The following WWC1 variants were observed in gnomAD, a reference collection of about 807,000 sequenced individuals.
WWC1 encodes the protein WW and C2 domain containing 1, also known as protein KIBRA.
In WWC1, 55 loss-of-function variants were observed where a neutral mutation model predicts 138.4. The ratio of observed to expected loss-of-function variants is 0.40; its 90% CI spans 0.32 to 0.50. WWC1 has a LOEUF of 0.50. WWC1 is among the 20% of genes least tolerant of loss of function. WWC1 has a pLI of 0.72. For missense variants in WWC1, 1,226 were observed against 1,420.4 expected (o/e 0.86, Z 2.20); for synonymous variants, 524 against 564.9 (o/e 0.93, Z 1.03).
At position 168,423,955 on chromosome 5, in the gene WWC1, A is replaced by T; in HGVS notation, c.1697A>T (p.Glu566Val). 6.2e-7 allele frequency: 1 copy of T among 1,613,154 alleles called. No individual in the cohort carries two copies. The highest frequency in any genetic ancestry group is 8.5e-7 in the Non-Finnish European group (1 of 1,179,862). ...GGTGATGCCTTCCTCAACTCCTTGGAGTTTGAAGACCCGGAGCTGAGTGCC... is the reference window on the plus strand; with the variant it reads ...GGTGATGCCTTCCTCAACTCCTTGGTGTTTGAAGACCCGGAGCTGAGTGCC... ...LAGDAFLNSLEFEDPELSATL... is the reference protein window; with the variant it reads ...LAGDAFLNSLVFEDPELSATL... Residue 566 changes from glutamate to valine, a missense_variant, in exon 11 of 23, where the codon GAG becomes GTG. Physicochemically the swap from Glu to Val is moderately radical, Grantham distance 121. Around this residue, in one of 3 missense-constraint regions of WWC1, gnomAD observed 1,016 missense variants for 1,153.9 expected, o/e 0.88. Coordinates refer to ENST00000265293, the MANE Select transcript of WWC1 (RefSeq NM_015238.3).
Position 168,371,420 on chromosome 5 carries a change from C to A in WWC1, c.120-4C>A, listed in dbSNP as rs200346315. On this transcript the variant is annotated splice_polypyrimidine_tract_variant and splice_region_variant and intron_variant, in intron 1 of 22. Transcript: ENST00000265293. ...TGGAGTCTGTTTCTCCTCTCCCTTGCCAGGTACACCAAACCGCTCACCTTT... is the reference window on the plus strand; with the variant it reads ...TGGAGTCTGTTTCTCCTCTCCCTTGACAGGTACACCAAACCGCTCACCTTT... 5.8e-5 allele frequency: 93 copies of A among 1,612,032 alleles called. No individual in the cohort carries two copies. The Middle Eastern group carries it at 1.8e-3, about 31-fold the overall frequency.
chr5:168,412,487 G>A (rs974459406), intron 8 of WWC1, among the ~76,000 whole-genome samples: 4 of 152,144 alleles, frequency 2.6e-5, no homozygotes, highest in Non-Finnish European at 5.9e-5. Context: ...AGTATATCCA[G>A]TAAAGCATCA....
chr5:168,427,515 T>G (rs1276502051), intron 11 of WWC1, among the ~76,000 whole-genome samples: 1 of 149,766 alleles, frequency 6.7e-6, no homozygotes, highest in Non-Finnish European at 1.5e-5. Context: ...CACATGTGAC[T>G]CCTTCCATCA....
At chr5:168,461,050 C>T (rs530377713) in intron 20 of WWC1, among the ~76,000 whole-genome samples, 11 of 152,138 alleles carry the variant, frequency 7.2e-5, no homozygotes, top group African/African-American at 1.9e-4. Flanking sequence ...CCAACCCAGC[C>T]GGGCCCCGTG....
At chr5:168,396,010 C>T (rs1778871359) in intron 3 of WWC1, among the ~76,000 whole-genome samples, 1 of 152,210 alleles carries the variant, frequency 6.6e-6, no homozygotes, top group African/African-American at 2.4e-5. Context: ...CAATTGCCAG[C>T]AATCACCAAA....
intron 8 of WWC1, chr5:168,412,102 C>T (rs1780272727): frequency 1.0e-6 from 1 of 985,436 alleles, no homozygotes; most frequent in Non-Finnish European, 1.2e-6. Flanking sequence ...GGATCTGTTC[C>T]ATCCTGCAGG....
chr5:168,419,334 T>C (rs1448712812), intron 9 of WWC1, among the ~76,000 whole-genome samples: 1 of 142,458 alleles, frequency 7.0e-6, no homozygotes, highest in Admixed American at 7.2e-5. Flanking sequence ...TGCAGGTCTT[T>C]CAGCAGAGCT....
chr5:168,442,838 GAAAAAAA>G (rs201792324), intron 16 of WWC1, among the ~76,000 whole-genome samples: 14 of 82,012 alleles, frequency 1.7e-4, no homozygotes, highest in African/African-American at 6.8e-4. Flanking sequence ...CTCCATCTCA[GAAAAAAA>G]AAAAAAAGAA....
intron 2 of WWC1, among the ~76,000 whole-genome samples, chr5:168,372,031 GAGAGAGAGAGAA>G (rs1432148385): frequency 1.5e-5 from 1 of 68,358 alleles, no homozygotes; most frequent in African/African-American, 4.6e-5. Flanking sequence ...GCGAGAGAGA[GAGAGAGAGAGAA>G]AGAGTGTGTT....
intron 1 of WWC1, among the ~76,000 whole-genome samples, chr5:168,354,019 G>A (rs1389142029): frequency 6.6e-6 from 1 of 151,846 alleles, no homozygotes; most frequent in Non-Finnish European, 1.5e-5. Flanking sequence ...AATAAGCTTA[G>A]GCTCTTCCAA....
intron 15 of WWC1, among the ~76,000 whole-genome samples, chr5:168,439,800 T>C (rs1199392063): frequency 6.6e-6 from 1 of 152,212 alleles, no homozygotes; most frequent in Non-Finnish European, 1.5e-5. Context: ...TTTTGCTAGA[T>C]ATGACTAAAT....
At position 168,414,607 on chromosome 5, in the gene WWC1, A is replaced by C. The variant is rs551916403; in HGVS notation, c.1184+17A>C. 175 of 1,545,082 alleles carry C rather than the reference A, an allele frequency of 1.1e-4. No individual in the cohort carries two copies. The African/African-American group carries it at 2.0e-3, about 17-fold the overall frequency. ...GACGGAGAGGTGGGGCTGGGGCCCC[A>C]GGGTGTGTAGGACCCTTCTCTCACT... On this transcript the variant is annotated intron_variant, in intron 9 of 22. Transcript: ENST00000265293.
intron 1 of WWC1, among the ~76,000 whole-genome samples, chr5:168,366,226 G>T (rs1240634691): frequency 6.6e-6 from 1 of 152,192 alleles, no homozygotes; most frequent in Non-Finnish European, 1.5e-5. Flanking sequence ...TCTTTGTGCA[G>T]CCAAAAACAC....
chr5:168,423,629 C>T lies in WWC1; in HGVS notation c.1371C>T (p.Ser457=). The stretch of plus-strand genomic sequence containing the variant: ...TGGTTGCATCCAGCCTGGACTCCTC[C>T]ACTTCAGCCAGCTTCACTGACCTCT... ...GSLVASSLDS[S]TSASFTDLYY... Residue 457 remains serine (S), a synonymous_variant, in exon 11 of 23, where the codon TCC becomes TCT. Transcript: ENST00000265293. The T allele has an allele frequency of 6.2e-7, 1 of 1,614,194 alleles. No individual in the cohort carries two copies. The highest frequency in any genetic ancestry group is 8.5e-7 in the Non-Finnish European group (1 of 1,180,032).
chr5:168,310,836 T>TA (rs541770385), intron 1 of WWC1, among the ~76,000 whole-genome samples: 4 of 112,194 alleles, frequency 3.6e-5, no homozygotes, highest in Admixed American at 1.1e-4. Flanking sequence ...AGACCCTGTC[T>TA]AAAAAAAAAG....
At chr5:168,342,008 T>C (rs927467231) in intron 1 of WWC1, among the ~76,000 whole-genome samples, 4 of 152,198 alleles carry the variant, frequency 2.6e-5, no homozygotes, top group Non-Finnish European at 5.9e-5. Flanking sequence ...GCAGCCTGTG[T>C]CAGACACCAG....
intron 2 of WWC1, among the ~76,000 whole-genome samples, chr5:168,373,717 CT>C (rs1776930569): frequency 1.7e-5 from 1 of 57,954 alleles, no homozygotes; most frequent in Non-Finnish European, 2.8e-5. Context: ...GGCCTTGTCT[CT>C]TAAAAAAAAA....
chr5:168,408,028 A>ATTTT (rs1181472544), intron 6 of WWC1, among the ~76,000 whole-genome samples: 12,424 of 117,156 alleles, frequency 0.11, 803 homozygotes, highest in Non-Finnish European at 0.13. Context: ...ACATCCAGCT[A>ATTTT]TTTTTTTTTT....
chr5:168,441,935 G>C, intron 16 of WWC1, 101 bp downstream of exon 16: 1 of 1,458,864 alleles, frequency 6.9e-7, no homozygotes, highest in South Asian at 1.4e-5. Context: ...GTCATGAGAG[G>C]AGAACAATGG....
Sources: allele counts gnomAD v4.1 joint callset (sites outside exome capture counted in the v4.1 genomes callset), GRCh38; gene constraint gnomAD v4.1.1; regional missense constraint gnomAD v4.1.1; transcripts MANE v1.5; gene names NCBI Gene and HGNC (gene_info 2026-07-23, HGNC 2026-07-21).